Variants in PLAAT3 observed in about 807,000 individuals in gnomAD.
The protein encoded by PLAAT3 is Ca-independent phospholipase A1/2.
In PLAAT3, 21 loss-of-function variants were observed where a neutral mutation model predicts 16.7. That is an observed-to-expected ratio of 1.26 (90% CI 0.89 to 1.81). The LOEUF is 1.81. Among genes scored for constraint, PLAAT3 ranks in the 40% most tolerant of loss-of-function variants. The pLI, the probability that PLAAT3 is intolerant of heterozygous loss-of-function variation, is 0.00. For missense variants in PLAAT3, 219 were observed against 213.7 expected, an observed-to-expected ratio of 1.02 and a Z score of -0.16; for synonymous variants, 76 against 81.7, an observed-to-expected ratio of 0.93 and a Z score of 0.38.
upstream of PLAAT3, among the ~76,000 whole-genome samples, chr11:63,615,338 G>GCA (rs1181943212): frequency 6.1e-4 from 17 of 27,870 alleles, 5 homozygotes; most frequent in East Asian, 4.9e-3. Flanking sequence ...ATATATGTGT[G>GCA]TATATATGTG....
At chr11:63,592,550 T>G (rs1196431071) in intron 3 of PLAAT3, among the ~76,000 whole-genome samples, 2 of 152,176 alleles carry the variant, frequency 1.3e-5, no homozygotes, top group Admixed American at 6.5e-5. Context: ...AGCATGTGGA[T>G]GTGGCAATCC....
upstream of PLAAT3, chr11:63,616,882 C>G (rs1008539982): frequency 6.6e-6 from 1 of 151,236 alleles, no homozygotes; most frequent in South Asian, 2.1e-4. Context: ...ACTCGGGAGG[C>G]TGAGGCAAGA....
At chr11:63,579,805 T>C in intron 4 of PLAAT3, among the ~76,000 whole-genome samples, 1 of 145,150 alleles carries the variant, frequency 6.9e-6, no homozygotes, top group East Asian at 2.1e-4. Context: ...CACACCAACA[T>C]GGCACATGTA....
At chr11:63,591,301 G>A (rs1007929653) in intron 3 of PLAAT3, among the ~76,000 whole-genome samples, 3 of 152,224 alleles carry the variant, frequency 2.0e-5, no homozygotes, top group Non-Finnish European at 2.9e-5. Flanking sequence ...AGGATCACTT[G>A]AGCCCTGGAG....
At chr11:63,596,454 C>A (rs916721133) in intron 3 of PLAAT3, among the ~76,000 whole-genome samples, 3 of 151,756 alleles carry the variant, frequency 2.0e-5, no homozygotes, top group African/African-American at 7.3e-5. Context: ...ATGATTCAAG[C>A]ACATGACATT....
At chr11:63,578,282 CAAAAGAAAAAAAA>C (rs1937684307) in intron 4 of PLAAT3, among the ~76,000 whole-genome samples, 1 of 138,502 alleles carries the variant, frequency 7.2e-6, no homozygotes, top group Non-Finnish European at 1.5e-5. Context: ...GACTCAGTCT[CAAAAGAAAAAAAA>C]AAAAGAAAAG....
At position 63,575,020 on chromosome 11, in the gene PLAAT3, G is replaced by A. The variant is rs1280931253; in HGVS notation, c.414C>T (p.Ser138=). The change falls in exon 5 of 5, where the codon AGC becomes AGT. Residue 138 remains serine, a synonymous_variant. Coordinates refer to ENST00000415826, the MANE Select transcript of PLAAT3 (RefSeq NM_001128203.2). ...DQVRDVIIAA[S]VAGMGLAAMS... ...TGGCTGCCAAGCCCATTCCTGCAAC[G>A]CTTGCAGCGATGATGACATCTCTGA... is the stretch of plus-strand genomic sequence containing the variant. The A allele has an allele frequency of 4.3e-6, 7 of 1,612,756 alleles. No individual in the cohort carries two copies. The highest frequency in any genetic ancestry group is 2.7e-5 in the African/African-American group (2 of 74,928).
intron 4 of PLAAT3, among the ~76,000 whole-genome samples, chr11:63,587,837 T>A (rs1172166643): frequency 1.3e-5 from 2 of 152,172 alleles, no homozygotes; most frequent in African/African-American, 4.8e-5. Flanking sequence ...AAAGCATTAA[T>A]ATAGCAGGGA....
chr11:63,595,443 T>C (rs1017719623), intron 3 of PLAAT3, among the ~76,000 whole-genome samples: 1 of 152,274 alleles, frequency 6.6e-6, no homozygotes, highest in African/African-American at 2.4e-5. Flanking sequence ...TTCCTGCTAC[T>C]CACAGCAGCA....
chr11:63,610,320 C>T (rs1428541270), intron 2 of PLAAT3, among the ~76,000 whole-genome samples: 1 of 152,220 alleles, frequency 6.6e-6, no homozygotes, highest in African/African-American at 2.4e-5. Flanking sequence ...GTTGCTGCTG[C>T]CTCCACAGCC....
chr11:63,584,919 A>G (rs1937925602), intron 4 of PLAAT3, among the ~76,000 whole-genome samples: 2 of 152,342 alleles, frequency 1.3e-5, no homozygotes, highest in African/African-American at 4.8e-5. Context: ...GAGTTAAATG[A>G]AAAGGAGAGT....
upstream of PLAAT3, among the ~76,000 whole-genome samples, chr11:63,616,036 T>G (rs1439364613): frequency 2.6e-5 from 4 of 152,186 alleles, no homozygotes; most frequent in African/African-American, 9.7e-5. Context: ...TTGAAATATG[T>G]ATACATTGTG....
At position 63,586,113 on chromosome 11, in the gene PLAAT3, T is replaced by G. The variant is rs577103331; in HGVS notation, c.387+3987A>C. Among the ~76,000 whole-genome samples, 117 of 150,142 alleles carry G rather than the reference T, an allele frequency of 7.8e-4. 1 individual carries two copies. Among genetic ancestry groups the G allele is most frequent in the African/African-American group, 2.5e-3 (102 of 40,992 alleles). On this transcript the variant is annotated intron_variant, in intron 4 of 4. Transcript: ENST00000415826. ...GCACCCATAGTCTCAGCTACTTGGG[T>G]GTGTGTGTGTGTGTGTGTGCACGTG...
intron 3 of PLAAT3, among the ~76,000 whole-genome samples, chr11:63,593,468 G>A (rs904529664): frequency 6.6e-6 from 1 of 152,244 alleles, no homozygotes; most frequent in Non-Finnish European, 1.5e-5. Context: ...AGAGACCCAG[G>A]AGGGGAGAAG....
intron 3 of PLAAT3, among the ~76,000 whole-genome samples, chr11:63,595,419 G>A (rs1210105071): frequency 1.3e-5 from 2 of 151,808 alleles, no homozygotes; most frequent in East Asian, 3.9e-4. Context: ...AAAATACACA[G>A]CAGTGAAAAA....
chr11:63,597,974 T>C lies in PLAAT3; in HGVS notation c.118+87A>G, dbSNP rs541290390. ...TGCCAGTTGGGAAGCAAGAAGAATG[T>C]TGGGGTCACCTGTTACCCACAGTTC... is the stretch of plus-strand genomic sequence containing the variant. On this transcript the variant is annotated intron_variant, in intron 3 of 4. Transcript: ENST00000415826. 5.8e-6 allele frequency: 5 copies of C among 862,222 alleles called. No individual in the cohort carries two copies. In the East Asian group the frequency reaches 7.3e-5, roughly 13 times the overall value. 53.4% of individuals were successfully genotyped at this position (862,222 alleles called of 1,614,324 possible). A position where few individuals can be genotyped will look rare whatever the true frequency, so the allele number is the denominator to read the frequency against.
At chr11:63,600,628 ACT>A (rs1259781505) in intron 2 of PLAAT3, among the ~76,000 whole-genome samples, 2 of 135,864 alleles carry the variant, frequency 1.5e-5, no homozygotes, top group Admixed American at 1.4e-4. Context: ...TTTGAGACAG[ACT>A]CTCGCTCTGT....
intron 2 of PLAAT3, among the ~76,000 whole-genome samples, chr11:63,602,686 T>G (rs7115616): frequency 0.49 from 75,088 of 151,944 alleles, 18,801 homozygotes; most frequent in East Asian, 0.6. Context: ...CATAATGCTT[T>G]AGTGGAACAT....
rs1049915039 is a variant in PLAAT3, at chr11:63,598,183, G to A, written c.16-20C>T. 6.5e-7 allele frequency: 1 copy of A among 1,535,464 alleles called. No homozygotes were observed. The highest frequency in any genetic ancestry group is 9.0e-7 in the Non-Finnish European group (1 of 1,108,266). ...CTCTGGCTGCAAAACCAAGAACAGG[G>A]CTGTTAGAGGGAGCATGAGATCGTG... is the stretch of plus-strand genomic sequence containing the variant. On this transcript the variant is annotated intron_variant, in intron 2 of 4. Coordinates refer to ENST00000415826, the MANE Select transcript of PLAAT3 (RefSeq NM_001128203.2).
Sources: gnomAD v4.1 joint callset for allele counts (sites outside exome capture counted in the v4.1 genomes callset) on GRCh38, gnomAD v4.1.1 for gene constraint, MANE v1.5 for transcripts, NCBI Gene and HGNC (gene_info 2026-07-23, HGNC 2026-07-21) for gene names.